CRACR2A: variants seen among roughly 807,000 people sequenced by gnomAD.
CRACR2A encodes calcium release activated channel regulator 2A.
Under a neutral mutation model 90.5 loss-of-function variants are expected in CRACR2A, and 79 were observed. The observed-to-expected ratio is 0.87, with a 90% CI of 0.73 to 1.05. The LOEUF is 1.05. Ranked by LOEUF, CRACR2A falls within the 50% of genes least tolerant of loss-of-function variation. The pLI is 0.00. For synonymous variants in CRACR2A, 338 were observed against 356.7 expected, an observed-to-expected ratio of 0.95 and a Z score of 0.59; for missense variants, 823 against 897.2, an observed-to-expected ratio of 0.92 and a Z score of 1.06.
chr12:3,659,427 G>A (rs752283109), intron 8 of CRACR2A, 137 bp downstream of exon 8: 9 of 663,572 alleles, frequency 1.4e-5, no homozygotes, highest in East Asian at 2.7e-5. Flanking sequence ...GGTGATAAAT[G>A]CCTTGAAAAA....
chr12:3,675,764 T>C (rs559733210), intron 6 of CRACR2A, among the ~76,000 whole-genome samples: 4 of 152,298 alleles, frequency 2.6e-5, no homozygotes, highest in African/African-American at 9.6e-5. Flanking sequence ...TGACTTGTCT[T>C]CCATTAAATT....
chr12:3,639,457 A>AACACACACACACAC (rs9300301), intron 13 of CRACR2A, among the ~76,000 whole-genome samples: 20,551 of 139,470 alleles, frequency 0.15, 1,731 homozygotes, highest in Non-Finnish European at 0.17. Flanking sequence ...CCAGAATTGA[A>AACACACACACACAC]ACACACACAC....
chr12:3,726,821 T>C (rs1337002144), intron 2 of CRACR2A: 1 of 150,548 alleles, frequency 6.6e-6, no homozygotes, highest in Non-Finnish European at 1.5e-5. Flanking sequence ...ATATATTCGG[T>C]CTTTAGCAGT....
chr12:3,644,021 T>G (rs959211630), intron 12 of CRACR2A, among the ~76,000 whole-genome samples: 73 of 138,890 alleles, frequency 5.3e-4, no homozygotes, highest in African/African-American at 1.6e-3. Context: ...GACCTCAAAG[T>G]GCTTAGCAGT....
chr12:3,696,935 C>T lies in CRACR2A; in HGVS notation c.65G>A (p.Gly22Glu), dbSNP rs1945750343. 1.2e-6 allele frequency: 2 copies of T among 1,614,198 alleles called. No homozygotes were observed. Among genetic ancestry groups the T allele is most frequent in the Non-Finnish European group, 1.7e-6 (2 of 1,180,028 alleles). ...CAGGCAGGCTCCACTCCCCTTTGGC[C>T]CCTGGCCAGACCCCTGACCAAGTCT... The part of the protein sequence containing the change: ...PQRLGQGSGQ[G>E]PKGSGACLHP... The change falls in exon 4 of 20, where the codon GGG (glycine) becomes GAG (glutamate). Residue 22 changes from glycine to glutamate, a missense_variant. Physicochemically the swap from Gly to Glu is moderately conservative, Grantham distance 98. Coordinates refer to ENST00000440314, the MANE Select transcript of CRACR2A (RefSeq NM_001144958.2).
intron 3 of CRACR2A, among the ~76,000 whole-genome samples, chr12:3,703,131 C>A (rs1945859268): frequency 6.6e-6 from 1 of 152,200 alleles, no homozygotes; most frequent in Non-Finnish European, 1.5e-5. Flanking sequence ...GAGTCTTGCT[C>A]AGGCTGGAGT....
intron 2 of CRACR2A, chr12:3,730,706 G>C (rs73033645): frequency 2.0e-5 from 3 of 152,174 alleles, no homozygotes; most frequent in Non-Finnish European, 2.9e-5. Flanking sequence ...GTTAAAAATA[G>C]TGTGTAGAGT....
At chr12:3,654,182 A>G (rs372591891) in intron 10 of CRACR2A, 30 bp downstream of exon 10, 28 of 1,604,086 alleles carry the variant, frequency 1.7e-5, no homozygotes, top group Non-Finnish European at 2.4e-5. Flanking sequence ...GCGGGAAGAC[A>G]GCAGAGGAGT....
intron 17 of CRACR2A, among the ~76,000 whole-genome samples, chr12:3,624,092 C>T (rs568257852): frequency 1.3e-5 from 2 of 152,306 alleles, no homozygotes; most frequent in Non-Finnish European, 2.9e-5. Flanking sequence ...CAGGGAACTC[C>T]ACTACCTCCC....
intron 17 of CRACR2A, among the ~76,000 whole-genome samples, chr12:3,626,150 G>T (rs34353255): frequency 1.3e-5 from 2 of 152,146 alleles, no homozygotes; most frequent in African/African-American, 2.4e-5. Context: ...CTTCCATTTT[G>T]TTCCTTATTT....
Position 3,636,564 on chromosome 12 carries a change from T to C in CRACR2A, c.1602+1560A>G, listed in dbSNP as rs1944457478. On this transcript the variant is annotated intron_variant, in intron 14 of 19. Transcript: ENST00000440314. Reference sequence around the variant, plus strand: ...AGATAGCGGTGAGGATAAAATGCCATAGCAGATGTCTGAGCAGACGCTTAA... The same window carrying C: ...AGATAGCGGTGAGGATAAAATGCCACAGCAGATGTCTGAGCAGACGCTTAA... Among the ~76,000 whole-genome samples, 4 of 152,380 alleles carry C rather than the reference T, an allele frequency of 2.6e-5. No homozygotes were observed. The South Asian group carries it at 8.3e-4, about 32-fold the overall frequency.
chr12:3,648,405 G>A, intron 11 of CRACR2A, 137 bp downstream of exon 11: 25 of 1,569,722 alleles, frequency 1.6e-5, no homozygotes, highest in Non-Finnish European at 2.2e-5. Context: ...ACTGCACTGG[G>A]GACCAAGGGA....
chr12:3,719,410 G>A (rs1027336171), intron 2 of CRACR2A, among the ~76,000 whole-genome samples: 1 of 152,146 alleles, frequency 6.6e-6, no homozygotes, highest in African/African-American at 2.4e-5. Context: ...TTCTAATGGT[G>A]TGCAGAGATA....
intron 2 of CRACR2A, chr12:3,728,420 G>A (rs1946304960): frequency 6.6e-6 from 1 of 152,262 alleles, no homozygotes; most frequent in Non-Finnish European, 1.5e-5. Flanking sequence ...GATGACAGAT[G>A]CTGTTGCATG....
chr12:3,668,393 C>T (rs914957671), intron 7 of CRACR2A, among the ~76,000 whole-genome samples: 3 of 152,150 alleles, frequency 2.0e-5, no homozygotes, highest in Admixed American at 2.0e-4. Context: ...TCCTGGGCCC[C>T]TTCCCTGAGA....
At chr12:3,696,746 G>A in intron 4 of CRACR2A, 26 bp downstream of exon 4, 1 of 1,613,584 alleles carries the variant, frequency 6.2e-7, no homozygotes, top group Non-Finnish European at 8.5e-7. Flanking sequence ...TTCTCAGTGG[G>A]CAGGCCTACC....
chr12:3,640,739 G>C (rs1272182399), intron 13 of CRACR2A: 1 of 1,305,340 alleles, frequency 7.7e-7, no homozygotes, highest in Non-Finnish European at 1.0e-6. Context: ...CTCTGGGTCT[G>C]ATACTGAAGA....
intron 8 of CRACR2A, among the ~76,000 whole-genome samples, chr12:3,656,929 T>C (rs973612904): frequency 3.9e-5 from 6 of 152,208 alleles, no homozygotes; most frequent in African/African-American, 1.4e-4. Context: ...TAAGTGTTCA[T>C]ATTTGCCCAC....
intron 10 of CRACR2A, among the ~76,000 whole-genome samples, 198 bp from the exon 11 acceptor site, chr12:3,648,811 C>T (rs1944741304): frequency 6.6e-6 from 1 of 152,178 alleles, no homozygotes; most frequent in Non-Finnish European, 1.5e-5. Context: ...TGAACTTATC[C>T]TCATTTCACA....
Sources: allele counts gnomAD v4.1 joint callset (sites outside exome capture counted in the v4.1 genomes callset), GRCh38; gene constraint gnomAD v4.1.1; transcripts MANE v1.5; gene names NCBI Gene and HGNC (gene_info 2026-07-23, HGNC 2026-07-21).